Variants in FHIT observed in about 807,000 individuals in gnomAD.
FHIT encodes bis(5'-adenosyl)-triphosphatase.
In FHIT, 19 loss-of-function variants were observed where a neutral mutation model predicts 17.9. The observed-to-expected ratio is 1.06, with a 90% confidence interval of 0.74 to 1.56. FHIT has a LOEUF of 1.56. FHIT is among the 40% of genes most tolerant of loss of function. FHIT has a pLI of 0.00. For synonymous variants in FHIT, 81 were observed against 69.7 expected, an observed-to-expected ratio of 1.16 and a Z score of -0.81; for missense variants, 248 against 189.2, an observed-to-expected ratio of 1.31 and a Z score of -1.82.
At chr3:60,685,635 C>G (rs530816564) in intron 4 of FHIT, among the ~76,000 whole-genome samples, 1 of 152,142 alleles carries the variant, frequency 6.6e-6, no homozygotes, top group Admixed American at 6.5e-5. Context: ...AACGAGTATT[C>G]ATTCCATTTA....
chr3:60,519,835 G>A (rs1450028928), intron 5 of FHIT, among the ~76,000 whole-genome samples: 1 of 152,080 alleles, frequency 6.6e-6, no homozygotes, highest in East Asian at 1.9e-4. Flanking sequence ...TTTATGGTAT[G>A]CATCACACAC....
At chr3:60,878,295 A>C (rs1394700348) in intron 3 of FHIT, among the ~76,000 whole-genome samples, 2 of 152,030 alleles carry the variant, frequency 1.3e-5, no homozygotes, top group Non-Finnish European at 2.9e-5. Flanking sequence ...TGAAACTCTG[A>C]TATTAGCACC....
At chr3:60,661,667 C>T (rs1270731099) in intron 4 of FHIT, among the ~76,000 whole-genome samples, 3 of 152,174 alleles carry the variant, frequency 2.0e-5, no homozygotes, top group African/African-American at 7.2e-5. Context: ...TACATTCCCA[C>T]CAGCAGTGTA....
At chr3:60,312,433 T>G (rs1576459546) in intron 5 of FHIT, among the ~76,000 whole-genome samples, 1 of 152,146 alleles carries the variant, frequency 6.6e-6, no homozygotes, top group Non-Finnish European at 1.5e-5. Context: ...ATGAGCCACC[T>G]CACCCAGCCA....
At chr3:60,052,554 A>T (rs1701924149) in intron 5 of FHIT, among the ~76,000 whole-genome samples, 1 of 152,028 alleles carries the variant, frequency 6.6e-6, no homozygotes, top group Non-Finnish European at 1.5e-5. Flanking sequence ...GAATCCTAGA[A>T]ATCGATCTGT....
chr3:60,843,077 T>A (rs1553745554), intron 3 of FHIT, among the ~76,000 whole-genome samples: 1 of 152,134 alleles, frequency 6.6e-6, no homozygotes, highest in African/African-American at 2.4e-5. Flanking sequence ...GCATCAGGTC[T>A]GTCTGCAGAA....
In FHIT at chr3:60,569,747, ATATATATATT is replaced by A. The variant is rs1340682498; in HGVS notation, c.-17-32778_-17-32769del. On this transcript the variant is annotated intron_variant, in intron 4 of 9. Coordinates refer to ENST00000492590, the MANE Select transcript of FHIT (RefSeq NM_002012.4). ...ATACTATATATATATATATATATAT[ATATATATATT>A]TTTTTTTTTTTTAGACAGAGTTTTG... 3.4e-3 allele frequency among the ~76,000 whole-genome samples: 207 copies of A among 61,206 alleles called. 4 individuals carry two copies. Among genetic ancestry groups the A allele is most frequent in the African/African-American group, 0.012 (201 of 16,386 alleles). 40.2% of individuals were successfully genotyped at this position (61,206 alleles called of 152,430 possible).
chr3:61,048,280 G>GA (rs2033890187), intron 2 of FHIT, among the ~76,000 whole-genome samples: 1 of 151,996 alleles, frequency 6.6e-6, no homozygotes, highest in African/African-American at 2.4e-5. Flanking sequence ...AAATTTACAA[G>GA]AAAAAAATCA....
intron 5 of FHIT, among the ~76,000 whole-genome samples, chr3:60,140,835 TC>T (rs1700011645): frequency 6.6e-6 from 1 of 152,062 alleles, no homozygotes; most frequent in East Asian, 1.9e-4. Context: ...GCCTCGGCCT[TC>T]CAAAGTGCTG....
Position 60,994,623 on chromosome 3 carries a change from G to A in FHIT, c.-111+47424C>T, listed in dbSNP as rs550069644. Among the ~76,000 whole-genome samples, 74 of 152,272 alleles carry A rather than the reference G, an allele frequency of 4.9e-4. 1 individual carries two copies. The highest frequency in any genetic ancestry group is 8.8e-5 in the Non-Finnish European group (6 of 68,018). ...GATCAAGTACTTAAAGCAACATTGGGCACGGTTGGGAATAAAGATCTTGGC... is the reference window on the plus strand; with the variant it reads ...GATCAAGTACTTAAAGCAACATTGGACACGGTTGGGAATAAAGATCTTGGC... On this transcript the variant is annotated intron_variant, in intron 3 of 9. Transcript: ENST00000492590.
chr3:61,136,923 C>T (rs899865844), intron 2 of FHIT, among the ~76,000 whole-genome samples: 1 of 152,168 alleles, frequency 6.6e-6, no homozygotes, highest in Non-Finnish European at 1.5e-5. Flanking sequence ...TGTTTGAGGA[C>T]AACTAGAAGA....
chr3:60,893,728 C>T (rs1376345599), intron 3 of FHIT, among the ~76,000 whole-genome samples: 1 of 152,168 alleles, frequency 6.6e-6, no homozygotes, highest in East Asian at 1.9e-4. Context: ...GACCTAGCTC[C>T]AGGGCTGACC....
chr3:60,161,283 A>C (rs1700926524), intron 5 of FHIT, among the ~76,000 whole-genome samples: 1 of 152,170 alleles, frequency 6.6e-6, no homozygotes, highest in African/African-American at 2.4e-5. Context: ...AACCCTTCCC[A>C]TGGGCATCAC....
At chr3:60,089,734 A>T (rs976508928) in intron 5 of FHIT, among the ~76,000 whole-genome samples, 1 of 152,212 alleles carries the variant, frequency 6.6e-6, no homozygotes, top group Non-Finnish European at 1.5e-5. Context: ...AGGTCCTAGC[A>T]TCTTGTTTCT....
At chr3:60,162,511 T>C (rs995473698) in intron 5 of FHIT, among the ~76,000 whole-genome samples, 16 of 152,190 alleles carry the variant, frequency 1.1e-4, no homozygotes, top group Non-Finnish European at 1.6e-4. Context: ...AGGTTGACCA[T>C]GGGATCATAG....
intron 5 of FHIT, among the ~76,000 whole-genome samples, chr3:60,140,221 A>T (rs1320535453): frequency 6.6e-6 from 1 of 152,126 alleles, no homozygotes; most frequent in African/African-American, 2.4e-5. Context: ...TAGTAGACAA[A>T]TGTTGTTTCT....
intron 1 of FHIT, among the ~76,000 whole-genome samples, chr3:61,219,591 C>T (rs1047090622): frequency 2.0e-5 from 3 of 152,126 alleles, no homozygotes; most frequent in African/African-American, 4.8e-5. Context: ...ATGCCTAATT[C>T]GTCCATATTT....
At chr3:60,548,709 C>T (rs939779665) in intron 4 of FHIT, among the ~76,000 whole-genome samples, 5 of 152,148 alleles carry the variant, frequency 3.3e-5, no homozygotes, top group Non-Finnish European at 7.3e-5. Context: ...AGATGTAATG[C>T]ATAAACCTGT....
intron 4 of FHIT, among the ~76,000 whole-genome samples, chr3:60,814,551 T>C (rs1277730554): frequency 2.6e-5 from 4 of 152,156 alleles, no homozygotes; most frequent in Non-Finnish European, 5.9e-5. Flanking sequence ...TCTTTTTTAT[T>C]ACTGCATAAT....
Sources: allele counts gnomAD v4.1 joint callset (sites outside exome capture counted in the v4.1 genomes callset), GRCh38; gene constraint gnomAD v4.1.1; transcripts MANE v1.5; gene names NCBI Gene and HGNC (gene_info 2026-07-23, HGNC 2026-07-21).